The following PAK5 variants were observed in gnomAD, a reference collection of about 807,000 sequenced individuals.
The protein encoded by PAK5 is p21 (RAC1) activated kinase 5, also known as serine/threonine-protein kinase PAK 5.
In PAK5, 16 loss-of-function variants were observed where a neutral mutation model predicts 65.9. That is an observed-to-expected ratio of 0.24 (90% CI 0.16 to 0.37). The LOEUF (loss-of-function observed/expected upper bound fraction) is 0.37. PAK5 is among the 10% of genes least tolerant of loss of function. PAK5 has a pLI of 1.00. For synonymous variants in PAK5, 371 were observed against 354.9 expected (o/e 1.05, Z -0.51); for missense variants, 785 against 903.9 (o/e 0.87, Z 1.69).
chr20:9,586,197 G>T (rs2046066281), intron 3 of PAK5, among the ~76,000 whole-genome samples: 1 of 152,162 alleles, frequency 6.6e-6, no homozygotes, highest in South Asian at 2.1e-4. Flanking sequence ...ACAAATGTCT[G>T]TGATGGGGGG....
At chr20:9,627,140 T>C (rs774240623) in intron 3 of PAK5, among the ~76,000 whole-genome samples, 4 of 152,232 alleles carry the variant, frequency 2.6e-5, no homozygotes, top group Non-Finnish European at 5.9e-5. Flanking sequence ...CTGCTAAACA[T>C]ACCACAGGGT....
At chr20:9,784,543 T>C (rs374152862) in intron 1 of PAK5, 1 of 152,030 alleles carries the variant, frequency 6.6e-6, no homozygotes, top group Admixed American at 6.6e-5. Flanking sequence ...TCTTTGTAAA[T>C]AGTATTTGTG....
At chr20:9,622,396 G>A (rs2046782517) in intron 3 of PAK5, among the ~76,000 whole-genome samples, 1 of 152,094 alleles carries the variant, frequency 6.6e-6, no homozygotes, top group South Asian at 2.1e-4. Context: ...CCATGTATCT[G>A]GTAGGTACCC....
At chr20:9,693,028 C>G (rs955221865) in intron 2 of PAK5, among the ~76,000 whole-genome samples, 1 of 152,144 alleles carries the variant, frequency 6.6e-6, no homozygotes, top group East Asian at 1.9e-4. Flanking sequence ...CCTCTACCAG[C>G]AAATCATGGG....
chr20:9,641,756 G>T (rs1834613987), intron 3 of PAK5, among the ~76,000 whole-genome samples: 1 of 152,152 alleles, frequency 6.6e-6, no homozygotes, highest in African/African-American at 2.4e-5. Context: ...CTAAGGCCCG[G>T]CGAGAAATCG....
chr20:9,809,236 T>G (rs1021701950), intron 1 of PAK5, among the ~76,000 whole-genome samples: 1 of 151,884 alleles, frequency 6.6e-6, no homozygotes, highest in Non-Finnish European at 1.5e-5. Flanking sequence ...TCACACCAGA[T>G]CTCTCAAATC....
At chr20:9,801,797 C>T (rs928904942) in intron 1 of PAK5, among the ~76,000 whole-genome samples, 1 of 151,990 alleles carries the variant, frequency 6.6e-6, no homozygotes, top group Non-Finnish European at 1.5e-5. Context: ...TTATCTCAAT[C>T]CCAAATAGCT....
chr20:9,740,803 C>T (rs2048442831), intron 1 of PAK5, among the ~76,000 whole-genome samples: 1 of 152,216 alleles, frequency 6.6e-6, no homozygotes, highest in Admixed American at 6.5e-5. Context: ...GAGCAATAAA[C>T]ATTCATGGCA....
intron 1 of PAK5, among the ~76,000 whole-genome samples, chr20:9,826,023 G>C (rs1175892939): frequency 6.6e-6 from 1 of 152,132 alleles, no homozygotes; most frequent in Non-Finnish European, 1.5e-5. Context: ...GGGAGTGATG[G>C]GGACTGTGAC....
chr20:9,558,046 TCA>T (rs2045537739), intron 6 of PAK5, among the ~76,000 whole-genome samples: 2 of 151,466 alleles, frequency 1.3e-5, no homozygotes, highest in African/African-American at 2.4e-5. Flanking sequence ...ATTTATTTAT[TCA>T]TTCATTCATT....
chr20:9,623,560 A>T (rs2046801309), intron 3 of PAK5, among the ~76,000 whole-genome samples: 1 of 152,226 alleles, frequency 6.6e-6, no homozygotes, highest in African/African-American at 2.4e-5. Context: ...ACAACATAAA[A>T]CTAAACAACT....
chr20:9,787,637 G>GTC (rs2049006475), intron 1 of PAK5, among the ~76,000 whole-genome samples: 2 of 151,782 alleles, frequency 1.3e-5, no homozygotes, highest in South Asian at 4.2e-4. Context: ...GTGTGTGTGT[G>GTC]TGTGTGTGTG....
intron 1 of PAK5, among the ~76,000 whole-genome samples, chr20:9,733,576 C>A (rs1288224017): frequency 1.3e-5 from 2 of 152,104 alleles, no homozygotes; most frequent in Admixed American, 1.3e-4. Context: ...TCCTAAGTAG[C>A]TGAGATTACA....
chr20:9,693,731 C>T (rs2047829255), intron 2 of PAK5, among the ~76,000 whole-genome samples: 2 of 152,078 alleles, frequency 1.3e-5, no homozygotes, highest in South Asian at 4.1e-4. Context: ...AGCTCATTAA[C>T]ACTTTATAAA....
intron 1 of PAK5, among the ~76,000 whole-genome samples, chr20:9,834,110 C>T (rs146537056): frequency 1.4e-3 from 218 of 152,322 alleles, no homozygotes; most frequent in African/African-American, 4.8e-3. Flanking sequence ...TCAAGGCACA[C>T]TGTCTAATTT....
intron 1 of PAK5, among the ~76,000 whole-genome samples, chr20:9,807,114 C>T (rs1177575817): frequency 6.6e-6 from 1 of 152,158 alleles, no homozygotes; most frequent in African/African-American, 2.4e-5. Context: ...GTTGGGCCTA[C>T]TCAGTTAATA....
chr20:9,810,243 G>A (rs750823206), intron 1 of PAK5, among the ~76,000 whole-genome samples: 1 of 152,126 alleles, frequency 6.6e-6, no homozygotes, highest in Admixed American at 6.6e-5. Context: ...CCCAGCATGC[G>A]CTTTTAGGAA....
intron 1 of PAK5, among the ~76,000 whole-genome samples, chr20:9,791,916 T>C (rs1422284620): frequency 6.6e-6 from 1 of 152,096 alleles, no homozygotes; most frequent in Non-Finnish European, 1.5e-5. Flanking sequence ...ACTTTGTCTT[T>C]GAGAACTAAA....
chr20:9,764,819 A>G (rs1181692405), intron 1 of PAK5, among the ~76,000 whole-genome samples: 1 of 152,198 alleles, frequency 6.6e-6, no homozygotes, highest in East Asian at 1.9e-4. Context: ...GTGGAAATGC[A>G]TAGAACTAAA....
Sources: allele counts gnomAD v4.1 joint callset (sites outside exome capture counted in the v4.1 genomes callset), GRCh38; gene constraint gnomAD v4.1.1; transcripts MANE v1.5; gene names NCBI Gene and HGNC (gene_info 2026-07-23, HGNC 2026-07-21).